The following AOPEP variants were observed in gnomAD, a reference collection of about 807,000 sequenced individuals.
AOPEP encodes aminopeptidase O (putative).
Under a neutral mutation model 98.1 loss-of-function variants are expected in AOPEP, and 77 were observed. That is an observed-to-expected ratio of 0.78 (90% confidence interval 0.65 to 0.95). The LOEUF is 0.95. Among genes scored for constraint, AOPEP ranks in the 40% least tolerant of loss-of-function variants. The pLI, the probability that AOPEP is intolerant of heterozygous loss-of-function variation, is 0.00. For missense variants in AOPEP, 1,024 were observed against 1,024.7 expected, an observed-to-expected ratio of 1.00 and a Z score of 0.01; for synonymous variants, 346 against 365.3, an observed-to-expected ratio of 0.95 and a Z score of 0.60.
chr9:94,789,557 T>C (rs1294696158), intron 3 of AOPEP, among the ~76,000 whole-genome samples: 1 of 152,192 alleles, frequency 6.6e-6, no homozygotes, highest in Non-Finnish European at 1.5e-5. Context: ...CTGCTTCAGC[T>C]CTCATTATGT....
rs1554767254 is a variant in AOPEP, at chr9:94,914,560, GTA to G, written c.1365-9424_1365-9423del. ...TGTGTGTGTGTGTGTGTGTGTGTGTGTATGTACAGGATAAATATGTGCCCACT... is the reference window on the plus strand; with the variant it reads ...TGTGTGTGTGTGTGTGTGTGTGTGTGTGTACAGGATAAATATGTGCCCACT... On this transcript the variant is annotated intron_variant, in intron 5 of 16. Coordinates refer to ENST00000375315, the MANE Select transcript of AOPEP (RefSeq NM_001193329.3). Among the ~76,000 whole-genome samples the G allele has an allele frequency of 2.6e-5, 4 of 151,392 alleles. No homozygotes were observed. In the South Asian group the frequency reaches 6.3e-4, roughly 24 times the overall value.
chr9:95,084,032 A>G (rs903285047), intron 16 of AOPEP, among the ~76,000 whole-genome samples: 2 of 152,294 alleles, frequency 1.3e-5, no homozygotes, highest in Non-Finnish European at 2.9e-5. Flanking sequence ...TTCTCTAACA[A>G]TCATCATTAT....
intron 14 of AOPEP, among the ~76,000 whole-genome samples, chr9:95,065,005 GATGTGAA>G (rs1406312710): frequency 1.3e-5 from 2 of 152,214 alleles, no homozygotes; most frequent in Non-Finnish European, 2.9e-5. Context: ...AGGGCTTGGA[GATGTGAA>G]ATGTTCAGGA....
intron 5 of AOPEP, among the ~76,000 whole-genome samples, chr9:94,836,435 T>C (rs895905793): frequency 3.3e-5 from 5 of 152,210 alleles, no homozygotes; most frequent in Admixed American, 6.5e-5. Flanking sequence ...GGTATCTCAT[T>C]GTAGTTTCTC....
intron 4 of AOPEP, among the ~76,000 whole-genome samples, chr9:94,798,707 A>G (rs1190218274): frequency 6.6e-6 from 1 of 152,150 alleles, no homozygotes; most frequent in Non-Finnish European, 1.5e-5. Context: ...TGCAATAGAG[A>G]TTATATGAAC....
At position 94,972,787 on chromosome 9, in the gene AOPEP, A is replaced by G. The variant is rs1182637614; in HGVS notation, c.1916+4986A>G. ...AATCCCATCTCTACCAAAAATACAAAAAATTAGCCTGCATGGTGGTACGTG... is the reference window on the plus strand; with the variant it reads ...AATCCCATCTCTACCAAAAATACAAGAAATTAGCCTGCATGGTGGTACGTG... On this transcript the variant is annotated intron_variant, in intron 10 of 16. Transcript: ENST00000375315. The surrounding 1 kb of genome is among the most constrained non-coding windows in gnomAD (Gnocchi z 4.2). Among the ~76,000 whole-genome samples the G allele has an allele frequency of 2.0e-5, 3 of 152,048 alleles. No homozygotes were observed. The highest frequency in any genetic ancestry group is 4.8e-5 in the African/African-American group (2 of 41,398).
At chr9:95,078,524 G>A (rs1233809680) in intron 14 of AOPEP, among the ~76,000 whole-genome samples, 1 of 152,206 alleles carries the variant, frequency 6.6e-6, no homozygotes, top group East Asian at 1.9e-4. Flanking sequence ...CAGGTCTCAC[G>A]CACGGGACCC....
At chr9:94,948,995 A>G (rs919538355) in intron 7 of AOPEP, among the ~76,000 whole-genome samples, 7 of 152,002 alleles carry the variant, frequency 4.6e-5, no homozygotes, top group Non-Finnish European at 1.0e-4. Context: ...CCGTTCAACT[A>G]TTGTCTGTGT....
chr9:95,053,581 G>A (rs1353576476), intron 13 of AOPEP, among the ~76,000 whole-genome samples: 1 of 152,174 alleles, frequency 6.6e-6, no homozygotes, highest in Non-Finnish European at 1.5e-5. Flanking sequence ...TAGAATTGGA[G>A]CTAGCAAATG....
chr9:95,090,670 G>A (rs753677177), downstream of AOPEP, among the ~76,000 whole-genome samples: 4 of 152,186 alleles, frequency 2.6e-5, no homozygotes, highest in Non-Finnish European at 5.9e-5. Context: ...GAAGGGACAG[G>A]AGGACCTCCC....
the AOPEP span, chr9:95,107,488 G>A: frequency 3.2e-6 from 2 of 615,814 alleles, no homozygotes; most frequent in East Asian, 2.8e-5. Flanking sequence ...TCACCAAGCA[G>A]TCAGGGCACC....
At chr9:95,005,288 C>A (rs2061908323) in intron 12 of AOPEP, 68 bp downstream of exon 12, 1 of 849,886 alleles carries the variant, frequency 1.2e-6, no homozygotes, top group Non-Finnish European at 1.5e-6. Flanking sequence ...GGCGAGAGGC[C>A]CTGGCTCTGC....
intron 5 of AOPEP, among the ~76,000 whole-genome samples, chr9:94,822,986 C>T (rs1203944523): frequency 9.8e-6 from 1 of 102,360 alleles, no homozygotes; most frequent in African/African-American, 4.2e-5. Flanking sequence ...CTCACCTGTC[C>T]CCTAATCTTT....
chr9:95,113,691 T>C, the AOPEP span: 74,499 of 150,562 alleles, frequency 0.49, 19,109 homozygotes, highest in African/African-American at 0.62. Context: ...GGCACGATCT[T>C]GGCTCACTGC....
chr9:94,990,611 T>TTAAA (rs2060832555), intron 11 of AOPEP, among the ~76,000 whole-genome samples: 1 of 149,858 alleles, frequency 6.7e-6, no homozygotes, highest in African/African-American at 2.5e-5. Context: ...GATTATTTAA[T>TTAAA]TTAATTAATT....
chr9:94,933,583 C>T, intron 7 of AOPEP: 1 of 985,314 alleles, frequency 1.0e-6, no homozygotes, highest in South Asian at 4.7e-5. Flanking sequence ...AATGCCTCAT[C>T]CCTTGATCAC....
At chr9:94,905,628 G>A (rs3910730) in intron 5 of AOPEP, among the ~76,000 whole-genome samples, 144,887 of 152,268 alleles carry the variant, frequency 0.95, 68,947 homozygotes, top group Middle Eastern at 0.99. Context: ...CCTTATTGGA[G>A]GTTGCTCACC....
At chr9:94,793,228 G>C (rs557119973) in intron 4 of AOPEP, among the ~76,000 whole-genome samples, 1 of 151,864 alleles carries the variant, frequency 6.6e-6, no homozygotes, top group African/African-American at 2.4e-5. Flanking sequence ...TTAGCCGGGC[G>C]TCCCAGCGAC....
chr9:94,963,734 T>C (rs2059005161), intron 9 of AOPEP, among the ~76,000 whole-genome samples: 1 of 152,168 alleles, frequency 6.6e-6, no homozygotes, highest in South Asian at 2.1e-4. Context: ...ATGAAAAAAG[T>C]CTTCCTTGTC....
Sources: allele counts gnomAD v4.1 joint callset (sites outside exome capture counted in the v4.1 genomes callset), GRCh38; gene constraint gnomAD v4.1.1; non-coding constraint Gnocchi (gnomAD v3.1); transcripts MANE v1.5; gene names NCBI Gene and HGNC (gene_info 2026-07-23, HGNC 2026-07-21).